Variants in BICC1 observed in about 807,000 individuals in gnomAD.
BICC1 encodes protein bicaudal C homolog 1.
In BICC1, 43 loss-of-function variants were observed where a neutral mutation model predicts 111.0. That is an observed-to-expected ratio of 0.39 (90% CI 0.30 to 0.50). The LOEUF (loss-of-function observed/expected upper bound fraction) is 0.50. BICC1 is among the 20% of genes least tolerant of loss of function. The pLI, the probability that BICC1 is intolerant of heterozygous loss-of-function variation, is 0.88. For synonymous variants in BICC1, 467 were observed against 434.4 expected, an observed-to-expected ratio of 1.07 and a Z score of -0.93; for missense variants, 1,091 against 1,203.2, an observed-to-expected ratio of 0.91 and a Z score of 1.38.
intron 3 of BICC1, among the ~76,000 whole-genome samples, chr10:58,747,570 C>G (rs1841870091): frequency 8.6e-5 from 13 of 152,004 alleles, no homozygotes; most frequent in Admixed American, 7.9e-4. Flanking sequence ...TTAAATCAAA[C>G]TAACATGTCT....
rs960199106 is a variant in BICC1 at position 58,820,363 on chromosome 10, C to T, written c.2695-6C>T. ...ATTGGTTATAGATTGACCTTTCTAC[C>T]CACAGATCGATCTTCAGACATTCCT... On this transcript the variant is annotated splice_region_variant and splice_polypyrimidine_tract_variant and intron_variant, in intron 19 of 20. Coordinates refer to ENST00000373886, the MANE Select transcript of BICC1 (RefSeq NM_001080512.3). 1.2e-6 allele frequency: 2 copies of T among 1,600,590 alleles called. No individual in the cohort carries two copies. Among genetic ancestry groups the T allele is most frequent in the South Asian group, 2.2e-5 (2 of 90,720 alleles).
intron 2 of BICC1, among the ~76,000 whole-genome samples, chr10:58,641,296 G>A (rs1838115528): frequency 6.6e-6 from 1 of 152,102 alleles, no homozygotes; most frequent in Non-Finnish European, 1.5e-5. Context: ...ACAGGCTCGG[G>A]GTTTTGTTTG....
intron 2 of BICC1, among the ~76,000 whole-genome samples, chr10:58,651,088 T>C (rs574896846): frequency 1.3e-5 from 2 of 152,302 alleles, no homozygotes; most frequent in South Asian, 2.1e-4. Flanking sequence ...CTGAGCACTT[T>C]CCAGGCTAAA....
At chr10:58,578,988 T>C (rs1844189395) in intron 1 of BICC1, among the ~76,000 whole-genome samples, 1 of 152,222 alleles carries the variant, frequency 6.6e-6, no homozygotes, top group East Asian at 1.9e-4. Flanking sequence ...CAAATCCTCA[T>C]GATATCTAGA....
chr10:58,512,577 T>A (rs1311712858), upstream of BICC1, among the ~76,000 whole-genome samples: 1 of 152,062 alleles, frequency 6.6e-6, no homozygotes, highest in South Asian at 2.1e-4. Context: ...GTAGTGTGTG[T>A]GATGTGTGTG....
intron 2 of BICC1, among the ~76,000 whole-genome samples, chr10:58,642,573 A>G (rs1343192048): frequency 6.6e-6 from 1 of 152,154 alleles, no homozygotes; most frequent in African/African-American, 2.4e-5. Context: ...CCACTCAGCC[A>G]GTGGTCTCCC....
intron 2 of BICC1, among the ~76,000 whole-genome samples, chr10:58,658,196 G>C (rs1467574610): frequency 6.6e-6 from 1 of 152,084 alleles, no homozygotes; most frequent in African/African-American, 2.4e-5. Context: ...ACAGCTCTCT[G>C]CTTTTTTTTG....
chr10:58,555,854 G>C (rs1335987512), intron 1 of BICC1, among the ~76,000 whole-genome samples: 2 of 152,136 alleles, frequency 1.3e-5, no homozygotes, highest in African/African-American at 4.8e-5. Context: ...TCACTAAAGA[G>C]AATCAGTTCT....
intron 2 of BICC1, among the ~76,000 whole-genome samples, chr10:58,684,286 A>G (rs1264156154): frequency 1.3e-5 from 2 of 152,306 alleles, no homozygotes; most frequent in Non-Finnish European, 1.5e-5. Flanking sequence ...CCAGTATTTT[A>G]TTGAGGATTT....
chr10:58,781,210 A>G (rs1439080468), intron 3 of BICC1, among the ~76,000 whole-genome samples: 1 of 152,198 alleles, frequency 6.6e-6, no homozygotes, highest in African/African-American at 2.4e-5. Flanking sequence ...AGGTGCTAAG[A>G]TCAGAATATT....
rs554208494 is a variant in BICC1, at chr10:58,605,036, C to T, written c.191-15819C>T. Among the ~76,000 whole-genome samples the T allele has an allele frequency of 5.9e-5, 9 of 152,194 alleles. No homozygotes were observed. The East Asian group carries it at 1.7e-3, about 29-fold the overall frequency. On this transcript the variant is annotated intron_variant, in intron 1 of 20. Coordinates refer to ENST00000373886, the MANE Select transcript of BICC1 (RefSeq NM_001080512.3). ...CATGACCTAATGACTTCCCAAGGGC[C>T]CCACCTCCTAATAGCATTACCTTGG...
intron 3 of BICC1, among the ~76,000 whole-genome samples, chr10:58,754,760 ATGTGTG>A (rs149325160): frequency 2.7e-5 from 4 of 148,850 alleles, no homozygotes; most frequent in African/African-American, 7.4e-5. Flanking sequence ...GGGGGTGTGT[ATGTGTG>A]TGTGTGTGTG....
chr10:58,612,805 G>A (rs1845474848), intron 1 of BICC1, among the ~76,000 whole-genome samples: 1 of 152,154 alleles, frequency 6.6e-6, no homozygotes, highest in Admixed American at 6.5e-5. Context: ...TGTTTTTAGA[G>A]TTGGCTCCAT....
intron 1 of BICC1, among the ~76,000 whole-genome samples, chr10:58,521,237 G>T (rs1842378649): frequency 1.3e-5 from 2 of 152,072 alleles, no homozygotes; most frequent in Non-Finnish European, 2.9e-5. Context: ...CATGTGGCCT[G>T]GGACAAATTA....
At chr10:58,602,725 C>T (rs1845080763) in intron 1 of BICC1, among the ~76,000 whole-genome samples, 2 of 152,094 alleles carry the variant, frequency 1.3e-5, no homozygotes, top group Non-Finnish European at 2.9e-5. Flanking sequence ...TCCCTAACTC[C>T]CCTAAATGTT....
chr10:58,592,441 A>C (rs1844650508), intron 1 of BICC1, among the ~76,000 whole-genome samples: 1 of 152,146 alleles, frequency 6.6e-6, no homozygotes, highest in African/African-American at 2.4e-5. Flanking sequence ...GGCCAGTCGC[A>C]ATGGCTCAGA....
At chr10:58,764,378 T>G (rs1402866945) in intron 3 of BICC1, among the ~76,000 whole-genome samples, 2 of 152,170 alleles carry the variant, frequency 1.3e-5, no homozygotes, top group Non-Finnish European at 2.9e-5. Context: ...ATCTTGTACT[T>G]GGAATGCTGT....
At chr10:58,789,585 T>G in intron 7 of BICC1, 97 bp from the exon 8 acceptor site, 2 of 1,533,774 alleles carry the variant, frequency 1.3e-6, no homozygotes, top group Non-Finnish European at 1.8e-6. Context: ...CAGAATATGC[T>G]GTATTTTTCC....
intron 2 of BICC1, chr10:58,648,674 A>G (rs1025424614): frequency 2.6e-5 from 26 of 984,428 alleles, no homozygotes; most frequent in Non-Finnish European, 2.7e-5. Flanking sequence ...GCTAAGGTAC[A>G]GAATGCCTCT....
Sources: gnomAD v4.1 joint callset for allele counts (sites outside exome capture counted in the v4.1 genomes callset) on GRCh38, gnomAD v4.1.1 for gene constraint, MANE v1.5 for transcripts, NCBI Gene and HGNC (gene_info 2026-07-23, HGNC 2026-07-21) for gene names.